The following SAAL1 variants were observed in gnomAD, a reference collection of about 807,000 sequenced individuals.
The protein encoded by SAAL1 is protein SAAL1.
SAAL1 carries 42 observed loss-of-function variants against 59.8 expected under a neutral mutation model. The observed-to-expected ratio is 0.70, with a 90% CI of 0.55 to 0.91. The LOEUF (loss-of-function observed/expected upper bound fraction) is 0.91, where lower values mean the gene tolerates loss of function less well. Among genes scored for constraint, SAAL1 ranks in the 40% least tolerant of loss-of-function variants. SAAL1 has a pLI of 0.00. For missense variants in SAAL1, 542 were observed against 561.1 expected, an observed-to-expected ratio of 0.97 and a Z score of 0.34; for synonymous variants, 191 against 194.3, an observed-to-expected ratio of 0.98 and a Z score of 0.14.
intron 4 of SAAL1, 83 bp from the exon 5 acceptor site, chr11:18,090,576 T>G (rs1848513977): frequency 1.4e-6 from 2 of 1,463,860 alleles, no homozygotes; most frequent in Non-Finnish European, 1.8e-6. Flanking sequence ...TTTGAACATC[T>G]TTATTGTGAA....
intron 9 of SAAL1, 26 bp downstream of exon 9, chr11:18,086,840 G>T: frequency 7.0e-7 from 1 of 1,438,606 alleles, no homozygotes; most frequent in African/African-American, 1.4e-5. Context: ...ATGAAAAACA[G>T]TATGAGCCTG....
At chr11:18,098,780 T>C (rs546051415) in intron 2 of SAAL1, among the ~76,000 whole-genome samples, 3 of 152,386 alleles carry the variant, frequency 2.0e-5, no homozygotes, top group African/African-American at 7.2e-5. Context: ...AGCTGTCCTG[T>C]GGGCAATTCT....
At chr11:18,105,508 C>A (rs1426843580) in intron 1 of SAAL1, among the ~76,000 whole-genome samples, 1 of 152,034 alleles carries the variant, frequency 6.6e-6, no homozygotes, top group Non-Finnish European at 1.5e-5. Flanking sequence ...TTGTATAACC[C>A]TAAAGTCACC....
At chr11:18,089,585 G>A in intron 6 of SAAL1, 75 bp from the exon 7 acceptor site, 2 of 1,372,582 alleles carry the variant, frequency 1.5e-6, no homozygotes, top group Non-Finnish European at 2.0e-6. Flanking sequence ...AATTCCTAAA[G>A]CTATTCTAAG....
At chr11:18,098,320 C>G (rs1268009481) in intron 2 of SAAL1, among the ~76,000 whole-genome samples, 1 of 152,226 alleles carries the variant, frequency 6.6e-6, no homozygotes, top group African/African-American at 2.4e-5. Flanking sequence ...CTTCTTCCTA[C>G]AGAGTCTGCC....
At chr11:18,100,587 C>T (rs1564873220) in intron 2 of SAAL1, among the ~76,000 whole-genome samples, 1 of 152,096 alleles carries the variant, frequency 6.6e-6, no homozygotes, top group Non-Finnish European at 1.5e-5. Context: ...GAGCGAGACT[C>T]TGTCTCAAAA....
chr11:18,085,919 C>G (rs866639781), intron 9 of SAAL1, among the ~76,000 whole-genome samples: 1 of 151,902 alleles, frequency 6.6e-6, no homozygotes, highest in East Asian at 1.9e-4. Flanking sequence ...ACATGTGACA[C>G]GAGAATAAAT....
rs1463531568 is a variant in SAAL1 at position 18,106,055 on chromosome 11, C to T, written c.-14G>A. On this transcript the variant is annotated 5_prime_UTR_variant, in exon 1 of 12. Transcript: ENST00000524803. ...GTTGCGGTCCATGACTTTGTCGCGT[C>T]CCGCGCTTGAAGGCCGTGCCGGAAG... The T allele has an allele frequency of 6.3e-7, 1 of 1,594,516 alleles. No homozygotes were observed. Among genetic ancestry groups the T allele is most frequent in the African/African-American group, 1.3e-5 (1 of 74,768 alleles).
chr11:18,090,914 G>A (rs1372357507), intron 4 of SAAL1: 3 of 154,470 alleles, frequency 1.9e-5, no homozygotes, highest in African/African-American at 7.2e-5. Context: ...CAGTCAAGGA[G>A]GGGAGACAAC....
At chr11:18,096,925 T>C (rs1848583845) in intron 2 of SAAL1, 71 bp from the exon 3 acceptor site, 2 of 801,962 alleles carry the variant, frequency 2.5e-6, no homozygotes, top group South Asian at 1.5e-5. Flanking sequence ...CAGGCAACCA[T>C]AAAATTCTAT....
intron 3 of SAAL1, among the ~76,000 whole-genome samples, chr11:18,094,139 C>A (rs1274184965): frequency 2.6e-5 from 4 of 152,076 alleles, no homozygotes; most frequent in South Asian, 4.2e-4. Flanking sequence ...CTATTGTTTA[C>A]CCAGCATATA....
intron 7 of SAAL1, among the ~76,000 whole-genome samples, chr11:18,088,643 G>T (rs574172258): frequency 2.6e-4 from 39 of 152,280 alleles, no homozygotes; most frequent in Non-Finnish European, 5.1e-4. Flanking sequence ...ACTGGGGCAG[G>T]AAAGATTCAG....
rs575687146 is a variant in SAAL1, at chr11:18,096,906, C to T, written c.250-52G>A. On this transcript the variant is annotated intron_variant, in intron 2 of 11. Coordinates refer to ENST00000524803, the MANE Select transcript of SAAL1 (RefSeq NM_138421.3). Reference sequence around the variant, plus strand: ...GGATGTTGAATATTCCTCCCTAAACCCTAAAGCTCAGGCAACCATAAAATT... The same window carrying T: ...GGATGTTGAATATTCCTCCCTAAACTCTAAAGCTCAGGCAACCATAAAATT... 79 of 950,604 alleles carry T rather than the reference C, an allele frequency of 8.3e-5. No individual in the cohort carries two copies. In the African/African-American group the frequency reaches 1.2e-3, roughly 14 times the overall value. The allele number at this position is 950,604 out of a possible 1,614,324, so 58.9% of individuals were successfully genotyped here. A position where few individuals can be genotyped will look rare whatever the true frequency, so the allele number is the denominator to read the frequency against.
intron 1 of SAAL1, among the ~76,000 whole-genome samples, chr11:18,104,467 C>T (rs1318827480): frequency 8.8e-5 from 13 of 146,944 alleles, no homozygotes; most frequent in African/African-American, 2.8e-4. Flanking sequence ...CTTTTAGGAT[C>T]TAGTGGGGAA....
chr11:18,089,448 T>C lies in SAAL1; in HGVS notation c.652A>G (p.Met218Val), dbSNP rs1218344494. 1 of 1,612,934 alleles carries C rather than the reference T, an allele frequency of 6.2e-7. No individual in the cohort carries two copies. The highest frequency in any genetic ancestry group is 1.1e-5 in the South Asian group (1 of 90,762). ...DKLFDLDEKL[M>V]LEWVRNGAAQ... ...GCCCCATTTCTGACCCATTCTAACA[T>C]TAGTTTCTCATCCAAATCAAAGAGC... Residue 218 changes from methionine (M) to valine (V), a missense_variant, in exon 7 of 12, where the codon ATG becomes GTG. Physicochemically the swap from Met to Val is conservative, Grantham distance 21. Transcript: ENST00000524803.
Position 18,105,942 on chromosome 11 carries a change from G to A in SAAL1, c.100C>T (p.His34Tyr). 1 of 1,607,134 alleles carries A rather than the reference G, an allele frequency of 6.2e-7. No homozygotes were observed. The highest frequency in any genetic ancestry group is 1.3e-5 in the African/African-American group (1 of 74,972). ...DCIGSTVYSK[H>Y]WLFGVLSGLI... ...CCGCTGAGGACGCCGAAGAGCCAGTGTTTGCTGTAGACCGTGCTCCCTATG... is the reference window on the plus strand; with the variant it reads ...CCGCTGAGGACGCCGAAGAGCCAGTATTTGCTGTAGACCGTGCTCCCTATG... Residue 34 changes from histidine to tyrosine, a missense_variant, in exon 1 of 12, where the codon CAC becomes TAC. Coordinates refer to ENST00000524803, the MANE Select transcript of SAAL1 (RefSeq NM_138421.3).
intron 9 of SAAL1, among the ~76,000 whole-genome samples, chr11:18,084,415 G>C (rs1358514047): frequency 6.6e-6 from 1 of 152,182 alleles, no homozygotes; most frequent in Non-Finnish European, 1.5e-5. Flanking sequence ...ACCTCATTCA[G>C]AGGAAAAGGC....
chr11:18,102,556 GA>G (rs1227690903), intron 2 of SAAL1, among the ~76,000 whole-genome samples: 3 of 151,708 alleles, frequency 2.0e-5, no homozygotes, highest in African/African-American at 7.3e-5. Context: ...TGTATTTCCG[GA>G]AAAAAAGGTA....
At chr11:18,095,258 C>A (rs1323949227) in intron 3 of SAAL1, among the ~76,000 whole-genome samples, 1 of 152,082 alleles carries the variant, frequency 6.6e-6, no homozygotes, top group Non-Finnish European at 1.5e-5. Flanking sequence ...CTAAAAGGTG[C>A]CATTCCTGAC....
Sources: allele counts gnomAD v4.1 joint callset (sites outside exome capture counted in the v4.1 genomes callset), GRCh38; gene constraint gnomAD v4.1.1; transcripts MANE v1.5; gene names NCBI Gene and HGNC (gene_info 2026-07-23, HGNC 2026-07-21).